KLHL32: variants seen among roughly 807,000 people sequenced by gnomAD.
The protein encoded by KLHL32 is kelch-like protein 32.
KLHL32 carries 35 observed loss-of-function variants against 64.8 expected under a neutral mutation model. The observed-to-expected ratio is 0.54, with a 90% CI of 0.41 to 0.72. The LOEUF is 0.72. KLHL32 is among the 30% of genes least tolerant of loss of function. KLHL32 has a pLI of 0.00. For synonymous variants in KLHL32, 259 were observed against 281.0 expected, an observed-to-expected ratio of 0.92 and a Z score of 0.78; for missense variants, 589 against 768.5, an observed-to-expected ratio of 0.77 and a Z score of 2.76.
chr6:96,920,077 T>C (rs751950595), upstream of KLHL32, among the ~76,000 whole-genome samples: 12 of 152,152 alleles, frequency 7.9e-5, no homozygotes, highest in Non-Finnish European at 1.6e-4. Context: ...AAAAACCCGA[T>C]GAGGAAGAGT....
intron 1 of KLHL32, among the ~76,000 whole-genome samples, chr6:96,957,668 A>G (rs1773425697): frequency 3.3e-5 from 5 of 152,092 alleles, no homozygotes; most frequent in Middle Eastern, 3.2e-3. Context: ...TTATGTTTCT[A>G]TTCATAGAGG....
Position 97,092,352 on chromosome 6 carries a change from T to G in KLHL32, c.627+7011T>G, listed in dbSNP as rs556265195. Among the ~76,000 whole-genome samples the G allele has an allele frequency of 8.5e-5, 13 of 152,344 alleles. No individual in the cohort carries two copies. In the South Asian group the frequency reaches 2.5e-3, roughly 29 times the overall value. On this transcript the variant is annotated intron_variant, in intron 6 of 10. Transcript: ENST00000369261. ...TTCCCAGATAGCTACTTTCTGGGTA[T>G]CTTCATAATATCTCCTATTTTTTAA...
chr6:97,065,624 A>G (rs192941712), intron 5 of KLHL32, among the ~76,000 whole-genome samples: 1 of 152,342 alleles, frequency 6.6e-6, no homozygotes, highest in East Asian at 1.9e-4. Context: ...TAATTTGAAG[A>G]AATAATAAAT....
chr6:96,956,703 C>T (rs1335491305), intron 1 of KLHL32, among the ~76,000 whole-genome samples: 2 of 152,036 alleles, frequency 1.3e-5, no homozygotes, highest in African/African-American at 4.8e-5. Context: ...GCTTGCTGAG[C>T]CTCTCCTTTT....
At chr6:97,018,749 A>G (rs926272418) in intron 3 of KLHL32, among the ~76,000 whole-genome samples, 4 of 152,218 alleles carry the variant, frequency 2.6e-5, no homozygotes, top group Admixed American at 6.5e-5. Context: ...TGGAAGGGAG[A>G]AAAAGTAGAA....
intron 4 of KLHL32, among the ~76,000 whole-genome samples, chr6:97,042,200 T>C (rs902824836): frequency 3.0e-4 from 45 of 152,356 alleles, no homozygotes; most frequent in African/African-American, 1.0e-3. Context: ...CTTTTATAAA[T>C]TGTTGTTCTT....
At chr6:96,923,010 T>C (rs186209630), upstream of KLHL32, among the ~76,000 whole-genome samples, 28 of 152,344 alleles carry the variant, frequency 1.8e-4, no homozygotes, top group Admixed American at 6.5e-4. Context: ...CGATACTATG[T>C]GGCAGACATT....
chr6:97,036,595 G>A lies in KLHL32; in HGVS notation c.205-4897G>A, dbSNP rs374534502. ...GGTGGTTCTTAAATAATCACCTGAG[G>A]TGTGATGATGGGTGGGCTGTGTGGT... is the stretch of plus-strand genomic sequence containing the variant. On this transcript the variant is annotated intron_variant, in intron 3 of 10. Coordinates refer to ENST00000369261, the MANE Select transcript of KLHL32 (RefSeq NM_052904.4). Among the ~76,000 whole-genome samples the A allele has an allele frequency of 4.6e-5, 7 of 152,320 alleles. No individual in the cohort carries two copies. In the East Asian group the frequency reaches 7.7e-4, roughly 17 times the overall value.
intron 1 of KLHL32, among the ~76,000 whole-genome samples, chr6:96,949,589 T>G (rs536518325): frequency 6.6e-6 from 1 of 152,304 alleles, no homozygotes; most frequent in South Asian, 2.1e-4. Flanking sequence ...CTCACAGTGG[T>G]GAGTCCATTT....
chr6:96,949,738 C>T (rs867984077), intron 1 of KLHL32, among the ~76,000 whole-genome samples: 2 of 151,920 alleles, frequency 1.3e-5, no homozygotes, highest in Non-Finnish European at 2.9e-5. Flanking sequence ...ACTGTGATTC[C>T]GAAAGCAGAA....
intron 3 of KLHL32, among the ~76,000 whole-genome samples, chr6:97,040,172 G>T (rs1013994082): frequency 6.6e-6 from 1 of 151,848 alleles, no homozygotes; most frequent in Non-Finnish European, 1.5e-5. Context: ...TGTTTTTTAT[G>T]ACTATAAAGT....
At chr6:96,908,459 C>A in the KLHL32 span, among the ~76,000 whole-genome samples, 1 of 152,172 alleles carries the variant, frequency 6.6e-6, no homozygotes, top group African/African-American at 2.4e-5. Context: ...CAGGGTTCTG[C>A]CACATGCACA....
At chr6:96,925,241 A>G (rs143113677) in intron 1 of KLHL32, among the ~76,000 whole-genome samples, 1,771 of 152,206 alleles carry the variant, frequency 0.012, 16 homozygotes, top group Non-Finnish European at 0.02. Flanking sequence ...CCTCCCCCTG[A>G]GCCCAATATG....
intron 4 of KLHL32, among the ~76,000 whole-genome samples, chr6:97,046,798 A>G (rs1025480671): frequency 5.9e-5 from 9 of 152,248 alleles, no homozygotes; most frequent in East Asian, 1.9e-4. Context: ...GAGTGAAAGC[A>G]TAATTCTTCA....
chr6:96,978,196 A>C (rs1562208921), intron 3 of KLHL32, among the ~76,000 whole-genome samples: 1 of 152,080 alleles, frequency 6.6e-6, no homozygotes, highest in Non-Finnish European at 1.5e-5. Context: ...TTATGTCAGT[A>C]AATTATGTTT....
At chr6:97,024,292 C>T (rs554206675) in intron 3 of KLHL32, among the ~76,000 whole-genome samples, 1 of 152,192 alleles carries the variant, frequency 6.6e-6, no homozygotes, top group Non-Finnish European at 1.5e-5. Context: ...TGAGCAGCCA[C>T]ATAGCTGCTG....
chr6:97,054,724 G>A (rs550267523), intron 4 of KLHL32, among the ~76,000 whole-genome samples: 1 of 152,288 alleles, frequency 6.6e-6, no homozygotes, highest in South Asian at 2.1e-4. Flanking sequence ...GACAGATATA[G>A]CACCTTAAAA....
intron 3 of KLHL32, among the ~76,000 whole-genome samples, chr6:96,990,840 G>A (rs1180476768): frequency 6.6e-6 from 1 of 152,126 alleles, no homozygotes; most frequent in Non-Finnish European, 1.5e-5. Flanking sequence ...CTTTAAGATG[G>A]CTGTGGTTTC....
intron 10 of KLHL32, among the ~76,000 whole-genome samples, chr6:97,135,187 T>C (rs562318724): frequency 2.6e-5 from 4 of 152,268 alleles, no homozygotes; most frequent in African/African-American, 9.6e-5. Flanking sequence ...GCATGATGGG[T>C]ATTTCTGTGT....
Sources: allele counts gnomAD v4.1 joint callset (sites outside exome capture counted in the v4.1 genomes callset), GRCh38; gene constraint gnomAD v4.1.1; transcripts MANE v1.5; gene names NCBI Gene and HGNC (gene_info 2026-07-23, HGNC 2026-07-21).